The following CCDC33 variants were observed in gnomAD, a reference collection of about 807,000 sequenced individuals.
CCDC33 encodes coiled-coil domain containing 33, also known as coiled-coil domain-containing protein 33.
Under a neutral mutation model 91.9 loss-of-function variants are expected in CCDC33, and 94 were observed. That is an observed-to-expected ratio of 1.02 (90% confidence interval 0.87 to 1.21). The LOEUF (loss-of-function observed/expected upper bound fraction) is 1.21, where lower values mean the gene tolerates loss of function less well. Ranked by LOEUF, CCDC33 falls within the 50% of genes most tolerant of loss-of-function variation. The pLI, the probability that CCDC33 is intolerant of heterozygous loss-of-function variation, is 0.00. For synonymous variants in CCDC33, 396 were observed against 374.5 expected (o/e 1.06, Z -0.66); for missense variants, 940 against 935.5 (o/e 1.00, Z -0.06).
At chr15:74,292,372 C>G (rs1027992106) in intron 10 of CCDC33, among the ~76,000 whole-genome samples, 1 of 152,178 alleles carries the variant, frequency 6.6e-6, no homozygotes. Context: ...CCTTGAGAAG[C>G]AAGGGGCTGA....
At chr15:74,298,633 G>A (rs769031912) in intron 11 of CCDC33, among the ~76,000 whole-genome samples, 2 of 151,868 alleles carry the variant, frequency 1.3e-5, no homozygotes, top group East Asian at 1.9e-4. Context: ...TCCGCCTCCC[G>A]GGTTCAAGAG....
chr15:74,308,864 C>T (rs574454914), intron 11 of CCDC33, among the ~76,000 whole-genome samples: 1 of 152,296 alleles, frequency 6.6e-6, no homozygotes, highest in South Asian at 2.1e-4. Context: ...AGGCATCTCA[C>T]TCTTCCTCCT....
At chr15:74,203,135 C>T (rs1221683828) in intron 1 of CCDC33, 10 of 985,442 alleles carry the variant, frequency 1.0e-5, no homozygotes, top group Non-Finnish European at 9.6e-6. Context: ...GGGGCGGAGG[C>T]AGGGAAGGGG....
At chr15:74,215,965 T>A (rs1213083317), upstream of CCDC33, among the ~76,000 whole-genome samples, 1 of 151,654 alleles carries the variant, frequency 6.6e-6, no homozygotes, top group African/African-American at 2.4e-5. Context: ...TGGGAAGTAT[T>A]GAAGGGACTC....
chr15:74,314,014 C>T (rs548898978), intron 11 of CCDC33, among the ~76,000 whole-genome samples: 34 of 152,316 alleles, frequency 2.2e-4, no homozygotes, highest in South Asian at 6.2e-4. Context: ...CTGCTGCTCA[C>T]CTCCACACCT....
At chr15:74,228,980 G>T (rs1368540118) in intron 2 of CCDC33, among the ~76,000 whole-genome samples, 1 of 152,156 alleles carries the variant, frequency 6.6e-6, no homozygotes, top group African/African-American at 2.4e-5. Flanking sequence ...GCCTGAGTGA[G>T]CAGTTTCCTG....
rs2074518933 is a variant in CCDC33, at chr15:74,218,972, A to G, written c.675+111A>G. 1 of 1,072,126 alleles carries G rather than the reference A, an allele frequency of 9.3e-7. No individual in the cohort carries two copies. 66.4% of individuals were successfully genotyped at this position (1,072,126 alleles called of 1,614,324 possible). ...CCTGAGCTGAGCTGAGCAGAGCAGC[A>G]GAGCTCCCAAGGCTGCCATGTTCAG... On this transcript the variant is annotated intron_variant, in intron 2 of 2. Transcript: ENST00000635913. This position sits in a 1 kb window ranked among gnomAD's most constrained non-coding sequence, Gnocchi z 4.8.
intron 2 of CCDC33, among the ~76,000 whole-genome samples, chr15:74,219,540 G>A (rs772405546): frequency 2.6e-5 from 4 of 152,132 alleles, no homozygotes; most frequent in Non-Finnish European, 4.4e-5. Flanking sequence ...TCAGGGTGTC[G>A]CCTGGCTTGA....
chr15:74,265,668 T>C (rs1260718772), intron 3 of CCDC33, among the ~76,000 whole-genome samples: 1 of 152,236 alleles, frequency 6.6e-6, no homozygotes, highest in Non-Finnish European at 1.5e-5. Context: ...TAAATAATCA[T>C]GACAGTCCCG....
At chr15:74,275,271 C>T (rs750634487) in intron 7 of CCDC33, among the ~76,000 whole-genome samples, 1 of 152,214 alleles carries the variant, frequency 6.6e-6, no homozygotes, top group Non-Finnish European at 1.5e-5. Context: ...CTCCTTTCTC[C>T]AGACTCATTG....
chr15:74,212,590 C>T (rs2074378160), upstream of CCDC33: 1 of 152,232 alleles, frequency 6.6e-6, no homozygotes, highest in Non-Finnish European at 1.5e-5. Flanking sequence ...CAGAAAGCTT[C>T]AAAGTAGCCA....
intron 1 of CCDC33, among the ~76,000 whole-genome samples, chr15:74,236,962 C>T (rs562441992): frequency 9.8e-5 from 15 of 152,330 alleles, no homozygotes; most frequent in African/African-American, 3.6e-4. Context: ...AGTGTACTTG[C>T]AGGTGTTGTC....
At chr15:74,279,653 C>A (rs1021486836) in intron 7 of CCDC33, among the ~76,000 whole-genome samples, 1 of 152,140 alleles carries the variant, frequency 6.6e-6, no homozygotes, top group Non-Finnish European at 1.5e-5. Context: ...TCTCCTGCCT[C>A]AGCCTCCTGG....
intron 2 of CCDC33, among the ~76,000 whole-genome samples, chr15:74,246,911 C>G (rs2142288696): frequency 6.6e-6 from 1 of 151,656 alleles, no homozygotes; most frequent in East Asian, 2.0e-4. Context: ...CTTTGCGGGG[C>G]CGAGGTGGGC....
At chr15:74,207,639 C>G in intron 1 of CCDC33, 2 of 1,469,000 alleles carry the variant, frequency 1.4e-6, no homozygotes, top group Non-Finnish European at 1.8e-6. Flanking sequence ...TTCGATAGCA[C>G]GGAAGAGAAC....
intron 10 of CCDC33, among the ~76,000 whole-genome samples, chr15:74,287,023 C>G (rs759509886): frequency 2.4e-4 from 37 of 152,350 alleles, no homozygotes; most frequent in Non-Finnish European, 4.0e-4. Context: ...CAAGTGGCCA[C>G]TTAGCAAATA....
At chr15:74,268,299 C>A in intron 4 of CCDC33, 43 bp from the exon 5 acceptor site, 1 of 1,417,118 alleles carries the variant, frequency 7.1e-7, no homozygotes, top group Non-Finnish European at 1.0e-6. Flanking sequence ...GCCCCTTAGA[C>A]ACTCTCCTTC....
chr15:74,264,008 G>T (rs535941132), intron 3 of CCDC33, among the ~76,000 whole-genome samples: 6 of 152,076 alleles, frequency 3.9e-5, no homozygotes, highest in African/African-American at 1.4e-4. Context: ...GGGTAACAGA[G>T]GAAAAAATGT....
chr15:74,231,353 G>A (rs2074966136), upstream of CCDC33, among the ~76,000 whole-genome samples: 1 of 152,222 alleles, frequency 6.6e-6, no homozygotes, highest in African/African-American at 2.4e-5. Context: ...CAGGCCCCCT[G>A]GCTCTGCCCT....
Sources: allele counts gnomAD v4.1 joint callset (sites outside exome capture counted in the v4.1 genomes callset), GRCh38; gene constraint gnomAD v4.1.1; non-coding constraint Gnocchi (gnomAD v3.1); transcripts MANE v1.5; gene names NCBI Gene and HGNC (gene_info 2026-07-23, HGNC 2026-07-21).